Variants in STK32A observed in about 807,000 individuals in gnomAD.
STK32A encodes serine/threonine kinase 32A, also known as serine/threonine-protein kinase 32A.
Under a neutral mutation model 53.2 loss-of-function variants are expected in STK32A, and 41 were observed. That is an observed-to-expected ratio of 0.77 (90% CI 0.60 to 1.00). The LOEUF (loss-of-function observed/expected upper bound fraction) is 1.00. Among genes scored for constraint, STK32A ranks in the 50% least tolerant of loss-of-function variants. STK32A has a pLI of 0.00. For synonymous variants in STK32A, 166 were observed against 162.8 expected, an observed-to-expected ratio of 1.02 and a Z score of -0.15; for missense variants, 458 against 485.8, an observed-to-expected ratio of 0.94 and a Z score of 0.54.
At chr5:147,389,503 A>G (rs1465881990), downstream of STK32A, among the ~76,000 whole-genome samples, 2 of 152,154 alleles carry the variant, frequency 1.3e-5, no homozygotes, top group Non-Finnish European at 2.9e-5. Flanking sequence ...AGCGGGAACT[A>G]TTGAGGGACT....
At chr5:147,355,534 C>T (rs1581131917) in intron 7 of STK32A, among the ~76,000 whole-genome samples, 2 of 151,814 alleles carry the variant, frequency 1.3e-5, no homozygotes, top group Admixed American at 1.3e-4. Context: ...AAAAATTAGC[C>T]GGGCGTGGTG....
chr5:147,396,413 T>C, the STK32A span, among the ~76,000 whole-genome samples: 1 of 152,302 alleles, frequency 6.6e-6, no homozygotes, highest in South Asian at 2.1e-4. Flanking sequence ...TACAGTCAAC[T>C]GGACAAACAC....
At chr5:147,368,890 G>T (rs948303295) in intron 8 of STK32A, among the ~76,000 whole-genome samples, 6 of 151,960 alleles carry the variant, frequency 3.9e-5, no homozygotes, top group African/African-American at 1.4e-4. Flanking sequence ...GAAACAGTAG[G>T]TTGAGAAGCA....
chr5:147,289,310 T>G (rs1752492800), intron 4 of STK32A, among the ~76,000 whole-genome samples: 1 of 152,342 alleles, frequency 6.6e-6, no homozygotes, highest in East Asian at 1.9e-4. Flanking sequence ...TAAGAAGCAT[T>G]GTATTATTTA....
chr5:147,317,883 CTG>C (rs1754085886), intron 4 of STK32A, among the ~76,000 whole-genome samples: 1 of 152,154 alleles, frequency 6.6e-6, no homozygotes, highest in Non-Finnish European at 1.5e-5. Flanking sequence ...GATTAGATAA[CTG>C]ACTCATTTTT....
chr5:147,369,827 T>G (rs1203370232), intron 8 of STK32A, among the ~76,000 whole-genome samples: 2 of 152,142 alleles, frequency 1.3e-5, no homozygotes, highest in Non-Finnish European at 2.9e-5. Context: ...ACCTACTGAA[T>G]GCTTGGTCTC....
downstream of STK32A, among the ~76,000 whole-genome samples, chr5:147,388,631 G>A (rs1474610560): frequency 6.6e-6 from 1 of 152,118 alleles, no homozygotes; most frequent in African/African-American, 2.4e-5. Context: ...CCTGCTCATG[G>A]TCGGGGTCTC....
chr5:147,362,329 G>A (rs1478503568), intron 8 of STK32A, among the ~76,000 whole-genome samples: 1 of 152,190 alleles, frequency 6.6e-6, no homozygotes, highest in Non-Finnish European at 1.5e-5. Context: ...AGATTAAGAT[G>A]CCAGAATGGT....
At chr5:147,290,942 T>G (rs757055396) in intron 4 of STK32A, among the ~76,000 whole-genome samples, 3 of 152,120 alleles carry the variant, frequency 2.0e-5, no homozygotes, top group Non-Finnish European at 4.4e-5. Context: ...TTACCAAAAA[T>G]TTACATTAAA....
chr5:147,349,314 G>A (rs1755843086), intron 6 of STK32A, among the ~76,000 whole-genome samples: 1 of 152,176 alleles, frequency 6.6e-6, no homozygotes. Context: ...GCAGCAGGCT[G>A]GATACTATCA....
chr5:147,355,344 G>A (rs1173032345), intron 7 of STK32A, among the ~76,000 whole-genome samples: 1 of 152,040 alleles, frequency 6.6e-6, no homozygotes, highest in Non-Finnish European at 1.5e-5. Flanking sequence ...TCCTTTGTCT[G>A]TATGAATATA....
downstream of STK32A, among the ~76,000 whole-genome samples, chr5:147,390,351 G>A (rs563697765): frequency 8.6e-5 from 13 of 152,022 alleles, no homozygotes; most frequent in Non-Finnish European, 1.3e-4. Context: ...TTACTCCTTG[G>A]GATCCATTTG....
chr5:147,257,672 T>G (rs1234394428), intron 2 of STK32A, among the ~76,000 whole-genome samples: 1 of 152,108 alleles, frequency 6.6e-6, no homozygotes, highest in Non-Finnish European at 1.5e-5. Context: ...GCAGTCTTGG[T>G]GGTGAGCAGC....
At chr5:147,245,850 T>C (rs1193251995) in intron 2 of STK32A, among the ~76,000 whole-genome samples, 2 of 152,212 alleles carry the variant, frequency 1.3e-5, no homozygotes, top group Non-Finnish European at 2.9e-5. Flanking sequence ...TCCTAGGATA[T>C]GTGGCTGTTT....
chr5:147,397,808 C>T, the STK32A span: 185 of 1,613,714 alleles, frequency 1.1e-4, no homozygotes, highest in East Asian at 2.9e-3. Flanking sequence ...AGGAGCCCCG[C>T]GCAGCTCCAT....
rs770719516 is a variant in STK32A at position 147,279,255 on chromosome 5, T to C, written c.117T>C (p.Ile39=). 1 of 1,613,268 alleles carries C rather than the reference T, an allele frequency of 6.2e-7. No homozygotes were observed. Among genetic ancestry groups the C allele is most frequent in the Middle Eastern group, 1.6e-4 (1 of 6,062 alleles). The change falls in exon 4 of 13, where the codon ATT becomes ATC. Residue 39 remains isoleucine (I), a synonymous_variant. Coordinates refer to ENST00000397936, the MANE Select transcript of STK32A (RefSeq NM_001112724.2). ...IGKGSFGKVC[I]VQKNDTKKMY... is the part of the protein sequence containing the mutation. ...CGGGTTTTCACCATTAGGTCTGCATTGTACAGAAGAATGATACCAAGAAGA... is the reference window on the plus strand; with the variant it reads ...CGGGTTTTCACCATTAGGTCTGCATCGTACAGAAGAATGATACCAAGAAGA...
intron 4 of STK32A, among the ~76,000 whole-genome samples, chr5:147,299,125 C>G (rs897052103): frequency 8.5e-5 from 13 of 152,288 alleles, no homozygotes; most frequent in African/African-American, 2.9e-4. Context: ...AGAATGGCTA[C>G]TCCATAGACA....
chr5:147,291,253 T>C (rs984863969), intron 4 of STK32A, among the ~76,000 whole-genome samples: 6 of 152,204 alleles, frequency 3.9e-5, no homozygotes, highest in Non-Finnish European at 8.8e-5. Context: ...GCTCCTTTTA[T>C]GTTCAGGAAC....
intron 4 of STK32A, among the ~76,000 whole-genome samples, chr5:147,317,254 G>C (rs948953583): frequency 2.0e-5 from 3 of 151,182 alleles, no homozygotes; most frequent in African/African-American, 7.3e-5. Flanking sequence ...GTGACATGAA[G>C]GCAATCGGCA....
Sources: allele counts gnomAD v4.1 joint callset (sites outside exome capture counted in the v4.1 genomes callset), GRCh38; gene constraint gnomAD v4.1.1; transcripts MANE v1.5; gene names NCBI Gene and HGNC (gene_info 2026-07-23, HGNC 2026-07-21).